Variants in NRG4 observed in about 807,000 individuals in gnomAD.
NRG4 encodes the protein pro-neuregulin-4, membrane-bound isoform.
A neutral mutation model predicts 15.0 loss-of-function variants in NRG4; 10 were observed. The observed-to-expected ratio is 0.67, with a 90% CI of 0.41 to 1.13. The LOEUF (loss-of-function observed/expected upper bound fraction) is 1.13. NRG4 is among the 50% of genes most tolerant of loss of function. The probability of loss-of-function intolerance (pLI) is 0.00; values close to 1 mark genes in which losing one functional copy is unlikely to be tolerated. For missense variants in NRG4, 139 were observed against 140.2 expected, an observed-to-expected ratio of 0.99 and a Z score of 0.04; for synonymous variants, 41 against 50.1, an observed-to-expected ratio of 0.82 and a Z score of 0.77.
chr15:76,049,849 C>T (rs962428311), intron 4 of NRG4, among the ~76,000 whole-genome samples: 2 of 150,856 alleles, frequency 1.3e-5, no homozygotes, highest in African/African-American at 5.0e-5. Context: ...TAAATCTGTC[C>T]TCCCATCCTT....
chr15:76,014,416 C>T (rs1020938373), upstream of NRG4, among the ~76,000 whole-genome samples: 6 of 152,098 alleles, frequency 3.9e-5, no homozygotes, highest in Non-Finnish European at 7.3e-5. Context: ...GAAGTCTTTG[C>T]CCATATCTGT....
At chr15:75,994,731 A>G (rs1311623549) in intron 3 of NRG4, among the ~76,000 whole-genome samples, 1 of 152,240 alleles carries the variant, frequency 6.6e-6, no homozygotes, top group Non-Finnish European at 1.5e-5. Flanking sequence ...CAAGAATGGT[A>G]TATTAGCCAC....
At chr15:75,944,917 T>A (rs2031386346) in intron 5 of NRG4, among the ~76,000 whole-genome samples, 1 of 151,894 alleles carries the variant, frequency 6.6e-6, no homozygotes, top group African/African-American at 2.4e-5. Context: ...GTCTTTTTCT[T>A]ACAAAAAAAC....
intron 5 of NRG4, among the ~76,000 whole-genome samples, chr15:76,033,345 C>T (rs975320686): frequency 1.1e-4 from 17 of 152,138 alleles, no homozygotes; most frequent in African/African-American, 3.6e-4. Flanking sequence ...ACCTGGAGGC[C>T]AGGAGTTCAA....
intron 5 of NRG4, among the ~76,000 whole-genome samples, chr15:76,028,545 C>A (rs1320235072): frequency 6.6e-6 from 1 of 151,626 alleles, no homozygotes; most frequent in Non-Finnish European, 1.5e-5. Context: ...CACCATTGAA[C>A]TGTAATGAAC....
Position 75,967,970 on chromosome 15 carries a change from A to G in NRG4, c.105-5996T>C, listed in dbSNP as rs192104295. Among the ~76,000 whole-genome samples, 527 of 152,318 alleles carry G rather than the reference A, an allele frequency of 3.5e-3. 2 individuals carry two copies. The highest frequency in any genetic ancestry group is 0.012 in the African/African-American group (481 of 41,570). On this transcript the variant is annotated intron_variant, in intron 3 of 5. Coordinates refer to ENST00000394907, the MANE Select transcript of NRG4 (RefSeq NM_138573.4). ...CTTAAGTAAGTCATTGAAAATTTGA[A>G]ACATTTTATTTACTAAAACTAGCTA...
intron 1 of NRG4, chr15:76,057,183 T>A (rs1363474550): frequency 6.6e-6 from 1 of 150,836 alleles, no homozygotes; most frequent in Non-Finnish European, 1.5e-5. Context: ...GCTCTAGGAT[T>A]CCCCCACCCT....
intron 5 of NRG4, among the ~76,000 whole-genome samples, chr15:76,020,014 C>A (rs1291275052): frequency 2.6e-5 from 4 of 152,114 alleles, no homozygotes; most frequent in South Asian, 2.1e-4. Flanking sequence ...GTAATCCTTG[C>A]AATATTTCGA....
intron 5 of NRG4, among the ~76,000 whole-genome samples, chr15:76,018,341 C>G (rs2035050657): frequency 6.6e-6 from 1 of 152,164 alleles, no homozygotes; most frequent in African/African-American, 2.4e-5. Flanking sequence ...ATTTGTCAAA[C>G]TCATTCTCCA....
intron 3 of NRG4, among the ~76,000 whole-genome samples, chr15:75,976,538 T>G (rs1336001076): frequency 1.3e-5 from 2 of 152,186 alleles, no homozygotes; most frequent in Non-Finnish European, 2.9e-5. Context: ...ACACCCTTTT[T>G]GTTGATGCTA....
chr15:76,032,214 C>G (rs980848867), intron 5 of NRG4, among the ~76,000 whole-genome samples: 4 of 152,038 alleles, frequency 2.6e-5, no homozygotes, highest in African/African-American at 4.8e-5. Context: ...ATACCCTTAT[C>G]ATACATTTAA....
intron 3 of NRG4, among the ~76,000 whole-genome samples, chr15:75,962,278 C>A (rs952743296): frequency 6.6e-6 from 1 of 152,150 alleles, no homozygotes; most frequent in Non-Finnish European, 1.5e-5. Flanking sequence ...ATATAAATGT[C>A]CACACTTTAT....
At chr15:76,000,968 G>C (rs1016203077) in intron 3 of NRG4, among the ~76,000 whole-genome samples, 24 of 151,844 alleles carry the variant, frequency 1.6e-4, no homozygotes, top group African/African-American at 5.8e-4. Flanking sequence ...AAAATGTCTA[G>C]TTTTAAATTT....
chr15:75,972,837 C>G lies in NRG4; in HGVS notation c.105-10863G>C, dbSNP rs576922260. On this transcript the variant is annotated intron_variant, in intron 3 of 5. Transcript: ENST00000394907. The stretch of plus-strand genomic sequence containing the variant: ...TCAGCTTTGTTCTTCTTGTCCAGGA[C>G]TGTCTTGGCTATACAGGCTCTTTTT... Among the ~76,000 whole-genome samples the G allele has an allele frequency of 5.9e-5, 9 of 152,112 alleles. No homozygotes were observed. The South Asian group carries it at 1.9e-3, about 32-fold the overall frequency.
At chr15:75,957,125 T>A (rs541707549) in intron 4 of NRG4, among the ~76,000 whole-genome samples, 1 of 152,334 alleles carries the variant, frequency 6.6e-6, no homozygotes, top group African/African-American at 2.4e-5. Flanking sequence ...TTTGCTATCA[T>A]GTGTTTTAAT....
chr15:75,972,876 A>C (rs966945242), intron 3 of NRG4, among the ~76,000 whole-genome samples: 1 of 152,120 alleles, frequency 6.6e-6, no homozygotes, highest in Non-Finnish European at 1.5e-5. Flanking sequence ...TTCCATATGA[A>C]ATTTAAAGTA....
chr15:75,952,140 T>C (rs1369961588), intron 5 of NRG4, among the ~76,000 whole-genome samples: 2 of 152,192 alleles, frequency 1.3e-5, no homozygotes, highest in East Asian at 3.8e-4. Flanking sequence ...CAATGGCTTT[T>C]AGTATATTCA....
intron 1 of NRG4, among the ~76,000 whole-genome samples, chr15:76,059,393 G>A (rs1037607057): frequency 3.9e-5 from 6 of 152,196 alleles, no homozygotes; most frequent in Non-Finnish European, 8.8e-5. Context: ...CTCCCTCACC[G>A]GGCGCCCCGC....
intron 3 of NRG4, among the ~76,000 whole-genome samples, chr15:75,995,193 G>A (rs2034167813): frequency 1.3e-5 from 2 of 149,956 alleles, no homozygotes; most frequent in East Asian, 2.0e-4. Context: ...GTGAGACCCT[G>A]TCTCAAAAAA....
Sources: gnomAD v4.1 joint callset for allele counts (sites outside exome capture counted in the v4.1 genomes callset) on GRCh38, gnomAD v4.1.1 for gene constraint, MANE v1.5 for transcripts, NCBI Gene and HGNC (gene_info 2026-07-23, HGNC 2026-07-21) for gene names.